SLC25A13: variants seen among roughly 807,000 people sequenced by gnomAD.
The protein encoded by SLC25A13 is solute carrier family 25 member 13, also known as electrogenic aspartate/glutamate antiporter SLC25A13, mitochondrial.
SLC25A13 carries 70 observed loss-of-function variants against 85.5 expected under a neutral mutation model. That is an observed-to-expected ratio of 0.82 (90% confidence interval 0.68 to 1.00). The LOEUF (loss-of-function observed/expected upper bound fraction) is 1.00. SLC25A13 is among the 50% of genes least tolerant of loss of function. The pLI is 0.00. For missense variants in SLC25A13, 765 were observed against 819.8 expected, an observed-to-expected ratio of 0.93 and a Z score of 0.82; for synonymous variants, 259 against 288.7, an observed-to-expected ratio of 0.90 and a Z score of 1.04.
In SLC25A13 at chr7:96,192,913, T is replaced by A. The variant is rs1461017195; in HGVS notation, c.615+124A>T. On this transcript the variant is annotated intron_variant, in intron 6 of 17. Transcript: ENST00000265631. ...CTCTTTGTTTGAGTTTAGTAATGTA[T>A]GTGATCACATTAAAATGTTAGTGTT... 5.6e-6 allele frequency: 6 copies of A among 1,069,826 alleles called. No individual in the cohort carries two copies. In the African/African-American group the frequency reaches 7.9e-5, roughly 14 times the overall value. 66.3% of individuals were successfully genotyped at this position (1,069,826 alleles called of 1,614,324 possible). A position where few individuals can be genotyped will look rare whatever the true frequency, so the allele number is the denominator to read the frequency against.
At chr7:96,202,930 T>C (rs1460449899) in intron 5 of SLC25A13, among the ~76,000 whole-genome samples, 3 of 152,128 alleles carry the variant, frequency 2.0e-5, no homozygotes, top group African/African-American at 7.2e-5. Context: ...ATCATGAAGC[T>C]TTGTCTGGCC....
At chr7:96,162,929 CCT>C (rs1793568348) in intron 13 of SLC25A13, among the ~76,000 whole-genome samples, 1 of 152,058 alleles carries the variant, frequency 6.6e-6, no homozygotes, top group Admixed American at 6.5e-5. Context: ...GTTTCTGCCC[CCT>C]GCTACCAGAA....
intron 5 of SLC25A13, among the ~76,000 whole-genome samples, chr7:96,198,808 A>G (rs1295390381): frequency 6.6e-6 from 1 of 152,244 alleles, no homozygotes; most frequent in African/African-American, 2.4e-5. Flanking sequence ...ATATATCTCA[A>G]AAATCCACAT....
At chr7:96,251,704 A>G (rs1040405312) in intron 3 of SLC25A13, among the ~76,000 whole-genome samples, 1 of 152,060 alleles carries the variant, frequency 6.6e-6, no homozygotes, top group Non-Finnish European at 1.5e-5. Context: ...GAGTCGTACT[A>G]TTTTCTTTTC....
intron 1 of SLC25A13, among the ~76,000 whole-genome samples, chr7:96,314,199 G>A (rs944432105): frequency 6.6e-6 from 1 of 151,890 alleles, no homozygotes; most frequent in Admixed American, 6.6e-5. Flanking sequence ...GAGAATAAAG[G>A]GGTAATATGA....
chr7:96,300,603 A>G (rs1194658580), intron 1 of SLC25A13, among the ~76,000 whole-genome samples: 1 of 152,208 alleles, frequency 6.6e-6, no homozygotes, highest in East Asian at 1.9e-4. Context: ...AGAGAAACTC[A>G]TGGGTCTTCA....
At chr7:96,233,703 A>G (rs964272018) in intron 4 of SLC25A13, among the ~76,000 whole-genome samples, 3 of 147,762 alleles carry the variant, frequency 2.0e-5, no homozygotes, top group African/African-American at 5.4e-5. Flanking sequence ...CTCAGAGACA[A>G]CAGCAGCAGA....
intron 4 of SLC25A13, among the ~76,000 whole-genome samples, chr7:96,210,095 G>A (rs1021667770): frequency 6.6e-6 from 1 of 151,982 alleles, no homozygotes; most frequent in African/African-American, 2.4e-5. Flanking sequence ...TTTATTCCAC[G>A]TTTTTAAAGT....
intron 4 of SLC25A13, among the ~76,000 whole-genome samples, chr7:96,214,760 ACT>A (rs1475239132): frequency 1.3e-5 from 2 of 152,068 alleles, no homozygotes; most frequent in Non-Finnish European, 2.9e-5. Flanking sequence ...TTTTAAAAAA[ACT>A]CAATTTACAG....
chr7:96,157,074 T>C (rs1793297714), intron 13 of SLC25A13, among the ~76,000 whole-genome samples: 1 of 152,168 alleles, frequency 6.6e-6, no homozygotes, highest in African/African-American at 2.4e-5. Context: ...ATGATCTTCA[T>C]AAATTCACCT....
chr7:96,260,573 C>A (rs1298770676), intron 3 of SLC25A13, among the ~76,000 whole-genome samples: 1 of 152,118 alleles, frequency 6.6e-6, no homozygotes, highest in Non-Finnish European at 1.5e-5. Flanking sequence ...ATCTCACAGC[C>A]TGCCTCTCTA....
chr7:96,304,657 T>C (rs976133655), intron 1 of SLC25A13, among the ~76,000 whole-genome samples: 5 of 152,000 alleles, frequency 3.3e-5, no homozygotes, highest in East Asian at 1.9e-4. Flanking sequence ...TCTCCAGAGG[T>C]TGCTAAAAGA....
intron 1 of SLC25A13, among the ~76,000 whole-genome samples, chr7:96,308,618 C>T (rs1160108170): frequency 6.6e-6 from 1 of 152,140 alleles, no homozygotes; most frequent in Non-Finnish European, 1.5e-5. Context: ...GAAAAACGCA[C>T]AGGTGGTTTC....
chr7:96,286,144 C>T (rs1798876624), intron 2 of SLC25A13, among the ~76,000 whole-genome samples: 1 of 151,916 alleles, frequency 6.6e-6, no homozygotes, highest in South Asian at 2.1e-4. Context: ...ATTACCCGGG[C>T]ATGGTGGCAG....
intron 5 of SLC25A13, among the ~76,000 whole-genome samples, chr7:96,199,925 A>T (rs1343535396): frequency 6.6e-6 from 1 of 151,994 alleles, no homozygotes; most frequent in Non-Finnish European, 1.5e-5. Flanking sequence ...TTGAATATAA[A>T]ATATTCTCTC....
chr7:96,177,028 AT>A (rs1285854243), intron 11 of SLC25A13, among the ~76,000 whole-genome samples: 2 of 152,206 alleles, frequency 1.3e-5, no homozygotes, highest in Non-Finnish European at 2.9e-5. Flanking sequence ...AATTATATGA[AT>A]AAGTGTACAA....
rs543406259 is a variant in SLC25A13, at chr7:96,322,023, G to A, written c.-67C>T. 4.6e-6 allele frequency: 7 copies of A among 1,528,092 alleles called. No individual in the cohort carries two copies. The highest frequency in any genetic ancestry group is 2.6e-5 in the East Asian group (1 of 38,592). 94.7% of individuals were successfully genotyped at this position (1,528,092 alleles called of 1,614,324 possible). A position where few individuals can be genotyped will look rare whatever the true frequency, so the allele number is the denominator to read the frequency against. ...GCTGGCTGGCGTTTGGGACCCGGGC[G>A]GCTCACTTCTAGTCCCGGCGGCGGC... On this transcript the variant is annotated 5_prime_UTR_variant, in exon 1 of 18. Transcript: ENST00000265631.
At chr7:96,247,939 C>T (rs183519088) in intron 3 of SLC25A13, among the ~76,000 whole-genome samples, 10 of 148,594 alleles carry the variant, frequency 6.7e-5, no homozygotes, top group Admixed American at 4.7e-4. Flanking sequence ...GCAATGTCTG[C>T]ATTGAGAGTA....
At chr7:96,283,763 GA>G in intron 2 of SLC25A13, 1 of 205,830 alleles carries the variant, frequency 4.9e-6, no homozygotes, top group Non-Finnish European at 9.7e-6. Context: ...GAACTCACGG[GA>G]AGGAGCTTGC....
Sources: gnomAD v4.1 joint callset for allele counts (sites outside exome capture counted in the v4.1 genomes callset) on GRCh38, gnomAD v4.1.1 for gene constraint, MANE v1.5 for transcripts, NCBI Gene and HGNC (gene_info 2026-07-23, HGNC 2026-07-21) for gene names.